Variants in WDFY4 observed in about 807,000 individuals in gnomAD.
WDFY4 encodes WDFY family member 4.
Under a neutral mutation model 351.9 loss-of-function variants are expected in WDFY4, and 169 were observed. The observed-to-expected ratio is 0.48, with a 90% CI of 0.42 to 0.55. The LOEUF is 0.55. Ranked by LOEUF, WDFY4 falls within the 20% of genes least tolerant of loss-of-function variation. The pLI is 0.00. For synonymous variants in WDFY4, 1,622 were observed against 1,574.6 expected, an observed-to-expected ratio of 1.03 and a Z score of -0.71; for missense variants, 3,803 against 3,935.6, an observed-to-expected ratio of 0.97 and a Z score of 0.90.
At chr10:48,884,996 T>C (rs2070398133) in intron 43 of WDFY4, among the ~76,000 whole-genome samples, 1 of 152,178 alleles carries the variant, frequency 6.6e-6, no homozygotes, top group South Asian at 2.1e-4. Context: ...ACATTTAATA[T>C]GTACCTGTTA....
intron 51 of WDFY4, among the ~76,000 whole-genome samples, chr10:48,950,556 T>C (rs1406840775): frequency 1.3e-5 from 2 of 152,148 alleles, no homozygotes; most frequent in Admixed American, 1.3e-4. Flanking sequence ...ATACTGAGTC[T>C]CTGGGAGGTC....
At chr10:48,835,668 A>T (rs1010522941) in intron 39 of WDFY4, among the ~76,000 whole-genome samples, 1 of 152,208 alleles carries the variant, frequency 6.6e-6, no homozygotes, top group Non-Finnish European at 1.5e-5. Context: ...AAGCTTTTGT[A>T]ATTGCACACA....
At chr10:48,737,386 C>T (rs1414641927) in intron 11 of WDFY4, among the ~76,000 whole-genome samples, 1 of 152,132 alleles carries the variant, frequency 6.6e-6, no homozygotes, top group African/African-American at 2.4e-5. Flanking sequence ...GCTCTGATTT[C>T]CAAAATTAGG....
intron 40 of WDFY4, among the ~76,000 whole-genome samples, chr10:48,870,020 C>T (rs994133604): frequency 6.6e-6 from 1 of 152,204 alleles, no homozygotes; most frequent in Non-Finnish European, 1.5e-5. Flanking sequence ...TGCTCTGCTT[C>T]CTCTGTGTGG....
At chr10:48,926,742 G>A (rs1002565162) in intron 47 of WDFY4, among the ~76,000 whole-genome samples, 1 of 152,180 alleles carries the variant, frequency 6.6e-6, no homozygotes, top group Non-Finnish European at 1.5e-5. Flanking sequence ...CATTAATGGA[G>A]TCATTTAACT....
chr10:48,776,600 G>A (rs1350166303), intron 15 of WDFY4, 150 bp from the exon 16 acceptor site: 2 of 757,370 alleles, frequency 2.6e-6, no homozygotes, highest in Admixed American at 6.2e-5. Context: ...CTGGGGGCCA[G>A]GGAGCCACCC....
Position 48,731,267 on chromosome 10 carries a change from C to T in WDFY4, c.1287C>T (p.Pro429=). ...TCCTGCTGGAGTGGACCCTGCAGCC[C>T]ATCTCGCAGTTTGTAGAGATCATGC... ...NFFLLEWTLQ[P]ISQFVEIMPL... is the part of the protein sequence containing the mutation. Residue 429 remains proline, a synonymous_variant, in exon 9 of 62, where the codon CCC becomes CCT. Coordinates refer to ENST00000325239, the MANE Select transcript of WDFY4 (RefSeq NM_001394531.1). 6.4e-7 allele frequency: 1 copy of T among 1,551,976 alleles called. No homozygotes were observed. Among genetic ancestry groups the T allele is most frequent in the Non-Finnish European group, 8.7e-7 (1 of 1,147,050 alleles).
intron 40 of WDFY4, among the ~76,000 whole-genome samples, chr10:48,869,735 C>T (rs958686634): frequency 6.6e-6 from 1 of 152,160 alleles, no homozygotes; most frequent in African/African-American, 2.4e-5. Flanking sequence ...GCAGAAATGA[C>T]TTATCCTGCC....
At position 48,701,572 on chromosome 10, in the gene WDFY4, G is replaced by A. The variant is rs568349967; in HGVS notation, c.-17-8144G>A. On this transcript the variant is annotated intron_variant, in intron 1 of 61. Transcript: ENST00000325239. ...CCCACTTGACCAACGTGGAGGCTGA[G>A]GCCAAGGAAGGGCCCTGAGTGAGTT... Among the ~76,000 whole-genome samples the A allele has an allele frequency of 5.9e-5, 9 of 152,344 alleles. No individual in the cohort carries two copies. The South Asian group carries it at 1.7e-3, about 28-fold the overall frequency.
rs184346524 is a variant in WDFY4, at chr10:48,702,794, G to A, written c.-17-6922G>A. 4.5e-4 allele frequency among the ~76,000 whole-genome samples: 68 copies of A among 152,090 alleles called. No individual in the cohort carries two copies. The East Asian group carries it at 7.3e-3, about 16-fold the overall frequency. ...CCTGGGGGTATGTTTAACTTTCCCC[G>A]AAACTGCCAAACTTCCTTCCAAAGT... On this transcript the variant is annotated intron_variant, in intron 1 of 61. Transcript: ENST00000325239.
intron 18 of WDFY4, among the ~76,000 whole-genome samples, chr10:48,779,305 G>A (rs1393460447): frequency 6.6e-6 from 1 of 152,194 alleles, no homozygotes; most frequent in Non-Finnish European, 1.5e-5. Flanking sequence ...GGCGCCCAGG[G>A]CCACCCCTCC....
chr10:48,791,248 A>G (rs1030794382), intron 23 of WDFY4, among the ~76,000 whole-genome samples: 2 of 152,222 alleles, frequency 1.3e-5, no homozygotes, highest in Non-Finnish European at 2.9e-5. Flanking sequence ...GCAGACTGCC[A>G]GAGTTTAAAT....
Position 48,814,108 on chromosome 10 carries a change from C to G in WDFY4, c.5340+26C>G. ...GTGAGACCCATTCCCCACATGCTGC[C>G]CCGAGGAGGTTCTGATGGGAAGGCC... On this transcript the variant is annotated intron_variant, in intron 31 of 61. Transcript: ENST00000325239. 3.3e-6 allele frequency: 5 copies of G among 1,510,106 alleles called. No homozygotes were observed. The South Asian group carries it at 6.3e-5, about 19-fold the overall frequency. 93.5% of individuals were successfully genotyped at this position (1,510,106 alleles called of 1,614,324 possible).
At chr10:48,768,047 G>A (rs2065729028) in intron 13 of WDFY4, among the ~76,000 whole-genome samples, 1 of 152,188 alleles carries the variant, frequency 6.6e-6, no homozygotes, top group African/African-American at 2.4e-5. Flanking sequence ...TGGAATGGGT[G>A]TTAGGATACT....
At position 48,926,351 on chromosome 10, in the gene WDFY4, C is replaced by T. The variant is rs117716006; in HGVS notation, c.7587-15455C>T. On this transcript the variant is annotated intron_variant, in intron 47 of 61. Coordinates refer to ENST00000325239, the MANE Select transcript of WDFY4 (RefSeq NM_001394531.1). ...CCCCAGAACTCTGGGTGATGAGACA[C>T]TTGCTCCAGCCCATTTTAATTTGGC... 9.7e-3 allele frequency among the ~76,000 whole-genome samples: 1,471 copies of T among 152,342 alleles called. 24 individuals are homozygous for T. Among genetic ancestry groups the T allele is most frequent in the Middle Eastern group, 0.014 (4 of 294 alleles).
chr10:48,740,288 G>A (rs1167083457), intron 11 of WDFY4, among the ~76,000 whole-genome samples: 2 of 152,196 alleles, frequency 1.3e-5, no homozygotes, highest in African/African-American at 4.8e-5. Flanking sequence ...CCTTTGGTAT[G>A]GTTTATCAGT....
At position 48,913,733 on chromosome 10, in the gene WDFY4, C is replaced by T. The variant is rs141564578; in HGVS notation, c.7586+11870C>T. 1.0e-3 allele frequency: 1,619 copies of T among 1,613,268 alleles called. 17 individuals are homozygous for T. In the East Asian group the frequency reaches 0.016, roughly 16 times the overall value. ...CTACCTCGTGGAGCTCCTTCAGGGC[C>T]CCCAGTGTGGTGGGCACGCTGTCCA... On this transcript the variant is annotated intron_variant, in intron 47 of 61. Coordinates refer to ENST00000325239, the MANE Select transcript of WDFY4 (RefSeq NM_001394531.1).
At chr10:48,819,625 CGTT>C (rs1032944255) in intron 32 of WDFY4, among the ~76,000 whole-genome samples, 5 of 152,166 alleles carry the variant, frequency 3.3e-5, no homozygotes, top group Admixed American at 1.3e-4. Flanking sequence ...ACCCCTGTCT[CGTT>C]GATCTCCCAA....
intron 44 of WDFY4, among the ~76,000 whole-genome samples, chr10:48,891,746 G>A (rs908314728): frequency 3.9e-5 from 6 of 152,218 alleles, no homozygotes; most frequent in Non-Finnish European, 8.8e-5. Context: ...TGATTCTATT[G>A]CTGGTCTGGG....
Sources: gnomAD v4.1 joint callset for allele counts (sites outside exome capture counted in the v4.1 genomes callset) on GRCh38, gnomAD v4.1.1 for gene constraint, MANE v1.5 for transcripts, NCBI Gene and HGNC (gene_info 2026-07-23, HGNC 2026-07-21) for gene names.